Variants in PRR16 observed in about 807,000 individuals in gnomAD.
PRR16 encodes the protein protein Largen.
PRR16 carries 6 observed loss-of-function variants against 18.2 expected under a neutral mutation model. The observed-to-expected ratio is 0.33, with a 90% CI of 0.18 to 0.65. PRR16 has a LOEUF of 0.65. Among genes scored for constraint, PRR16 ranks in the 30% least tolerant of loss-of-function variants. The pLI is 0.74. For synonymous variants in PRR16, 151 were observed against 147.8 expected, an observed-to-expected ratio of 1.02 and a Z score of -0.16; for missense variants, 412 against 376.6, an observed-to-expected ratio of 1.09 and a Z score of -0.78.
intron 1 of PRR16, among the ~76,000 whole-genome samples, chr5:120,465,127 G>T (rs551323254): frequency 6.6e-6 from 1 of 152,310 alleles, no homozygotes; most frequent in Admixed American, 6.5e-5. Flanking sequence ...AGGGAGGGCA[G>T]CCTGGAGGAA....
chr5:120,762,325 TCC>T, the PRR16 span, among the ~76,000 whole-genome samples: 2 of 152,150 alleles, frequency 1.3e-5, no homozygotes, highest in African/African-American at 4.8e-5. Context: ...TAATTTACAT[TCC>T]TAACAGTAGT....
In PRR16 at chr5:120,486,884, C is replaced by T. The variant is rs1377329736; in HGVS notation, c.159+22239C>T. On this transcript the variant is annotated intron_variant, in intron 1 of 1. Coordinates refer to ENST00000407149, the MANE Select transcript of PRR16 (RefSeq NM_001300783.2). ...ACATATGGCTAGCCAGTTTTCCCAG[C>T]ACCATTTATTAAATAGGGAATCCTT... Among the ~76,000 whole-genome samples, 6 of 152,330 alleles carry T rather than the reference C, an allele frequency of 3.9e-5. No individual in the cohort carries two copies. The South Asian group carries it at 1.0e-3, about 26-fold the overall frequency.
intron 1 of PRR16, among the ~76,000 whole-genome samples, chr5:120,473,448 A>G (rs1158129559): frequency 6.6e-6 from 1 of 152,126 alleles, no homozygotes; most frequent in African/African-American, 2.4e-5. Flanking sequence ...TGAGCACATT[A>G]TTTAATTTCT....
At chr5:120,711,609 A>T in the PRR16 span, among the ~76,000 whole-genome samples, 2 of 152,322 alleles carry the variant, frequency 1.3e-5, no homozygotes, top group Admixed American at 1.3e-4. Context: ...TCTGGGCCAT[A>T]TAGTCCTATA....
chr5:120,702,919 C>T, the PRR16 span, among the ~76,000 whole-genome samples: 2 of 152,156 alleles, frequency 1.3e-5, no homozygotes, highest in Admixed American at 6.5e-5. Context: ...GGGGATTGAT[C>T]TCCCAAGGGA....
Position 120,493,090 on chromosome 5 carries a change from G to A in PRR16, c.159+28445G>A, listed in dbSNP as rs551475439. ...TAGATACAGAGCAGCAGAGTTGCTG[G>A]GTTGAATGGTAGATCTACTTTCAGT... On this transcript the variant is annotated intron_variant, in intron 1 of 1. Coordinates refer to ENST00000407149, the MANE Select transcript of PRR16 (RefSeq NM_001300783.2). Among the ~76,000 whole-genome samples the A allele has an allele frequency of 6.6e-5, 10 of 152,192 alleles. No individual in the cohort carries two copies. The South Asian group carries it at 2.1e-3, about 32-fold the overall frequency.
the PRR16 span, among the ~76,000 whole-genome samples, chr5:120,777,434 A>AT: frequency 1.7e-4 from 26 of 152,124 alleles, no homozygotes; most frequent in South Asian, 3.3e-3. Flanking sequence ...CAAATTTGGT[A>AT]TTTTTTAGCA....
intron 1 of PRR16, among the ~76,000 whole-genome samples, chr5:120,496,187 G>C (rs1036542877): frequency 6.6e-6 from 1 of 151,804 alleles, no homozygotes; most frequent in African/African-American, 2.4e-5. Context: ...AATTCTATTT[G>C]GTAAAAACAA....
chr5:120,490,470 A>T (rs1749989146), intron 1 of PRR16, among the ~76,000 whole-genome samples: 1 of 152,072 alleles, frequency 6.6e-6, no homozygotes, highest in Non-Finnish European at 1.5e-5. Context: ...TGTATTCGTC[A>T]CGTGGTTCTC....
intron 1 of PRR16, among the ~76,000 whole-genome samples, chr5:120,587,093 C>A (rs1753472748): frequency 6.6e-6 from 1 of 152,158 alleles, no homozygotes; most frequent in African/African-American, 2.4e-5. Flanking sequence ...TGGTCCAGAG[C>A]AAATCCCTAA....
At chr5:120,558,109 C>A (rs1189589038) in intron 1 of PRR16, among the ~76,000 whole-genome samples, 2 of 151,778 alleles carry the variant, frequency 1.3e-5, no homozygotes, top group African/African-American at 4.8e-5. Context: ...ATGGGGTATC[C>A]ATCTCCTAAA....
At chr5:120,576,870 C>T (rs549318973) in intron 1 of PRR16, among the ~76,000 whole-genome samples, 1 of 152,176 alleles carries the variant, frequency 6.6e-6, no homozygotes, top group African/African-American at 2.4e-5. Context: ...TTTTCTGCCT[C>T]TATAATTGTG....
chr5:120,726,162 C>A, the PRR16 span, among the ~76,000 whole-genome samples: 7 of 152,062 alleles, frequency 4.6e-5, no homozygotes, highest in Non-Finnish European at 8.8e-5. Flanking sequence ...TTGCTGATAA[C>A]GCTTTACATT....
intron 1 of PRR16, among the ~76,000 whole-genome samples, chr5:120,514,880 G>C (rs566445255): frequency 3.3e-5 from 5 of 151,968 alleles, no homozygotes; most frequent in Admixed American, 1.3e-4. Context: ...TTTTTTTCTA[G>C]CCTGCTCTTC....
chr5:120,476,496 A>G (rs1378582395), intron 1 of PRR16, among the ~76,000 whole-genome samples: 1 of 152,148 alleles, frequency 6.6e-6, no homozygotes, highest in East Asian at 1.9e-4. Flanking sequence ...CTAACTATGT[A>G]ACCTTCAAGA....
At chr5:120,626,146 C>G (rs1346037627) in intron 1 of PRR16, among the ~76,000 whole-genome samples, 1 of 151,882 alleles carries the variant, frequency 6.6e-6, no homozygotes, top group Non-Finnish European at 1.5e-5. Flanking sequence ...ATGTGTATAC[C>G]CATAAAACTG....
At chr5:120,483,107 G>T (rs903820562) in intron 1 of PRR16, among the ~76,000 whole-genome samples, 1 of 152,168 alleles carries the variant, frequency 6.6e-6, no homozygotes, top group African/African-American at 2.4e-5. Context: ...ATATTCTCCA[G>T]TGCAAGTTGG....
chr5:120,722,302 G>C, the PRR16 span, among the ~76,000 whole-genome samples: 1 of 151,918 alleles, frequency 6.6e-6, no homozygotes, highest in Non-Finnish European at 1.5e-5. Flanking sequence ...TGATACTATC[G>C]TTCTGTATAT....
intron 1 of PRR16, among the ~76,000 whole-genome samples, chr5:120,679,485 A>G (rs138835595): frequency 6.6e-6 from 1 of 152,186 alleles, no homozygotes; most frequent in African/African-American, 2.4e-5. Flanking sequence ...TTATAAGGAT[A>G]TAGTGGATTC....
Sources: allele counts gnomAD v4.1 joint callset (sites outside exome capture counted in the v4.1 genomes callset), GRCh38; gene constraint gnomAD v4.1.1; transcripts MANE v1.5; gene names NCBI Gene and HGNC (gene_info 2026-07-23, HGNC 2026-07-21).